Variants in SNRPA1 observed in about 807,000 individuals in gnomAD.
SNRPA1 encodes the protein small nuclear ribonucleoprotein polypeptide A', also known as U2 small nuclear ribonucleoprotein A'.
In SNRPA1, 5 loss-of-function variants were observed where a neutral mutation model predicts 32.3. That is an observed-to-expected ratio of 0.15 (90% CI 0.08 to 0.33). SNRPA1 has a LOEUF of 0.33. Among genes scored for constraint, SNRPA1 ranks in the 10% least tolerant of loss-of-function variants. The pLI, the probability that SNRPA1 is intolerant of heterozygous loss-of-function variation, is 1.00. For missense variants in SNRPA1, 198 were observed against 311.1 expected, an observed-to-expected ratio of 0.64 and a Z score of 2.74; for synonymous variants, 111 against 120.1, an observed-to-expected ratio of 0.92 and a Z score of 0.50.
At chr15:101,292,122 A>G (rs2039532764) in intron 2 of SNRPA1, 82 bp from the exon 3 acceptor site, 1 of 948,028 alleles carries the variant, frequency 1.1e-6, no homozygotes, top group Admixed American at 1.8e-5. Context: ...AGAGGATCAC[A>G]GAGAGACACT....
chr15:101,288,641 AC>A (rs1218292437), intron 3 of SNRPA1, among the ~76,000 whole-genome samples: 2 of 152,194 alleles, frequency 1.3e-5, no homozygotes, highest in African/African-American at 4.8e-5. Flanking sequence ...ACCAGCTACA[AC>A]CAAGCTAGAT....
chr15:101,281,870 T>C, intron 8 of SNRPA1, 88 bp from the exon 9 acceptor site: 8 of 1,217,908 alleles, frequency 6.6e-6, no homozygotes, highest in Non-Finnish European at 9.7e-6. Context: ...GGCCACTGTT[T>C]GTTACACACT....
At chr15:101,287,504 G>A in intron 4 of SNRPA1, 152 bp downstream of exon 4, 2 of 633,896 alleles carry the variant, frequency 3.2e-6, no homozygotes, top group South Asian at 1.7e-5. Flanking sequence ...TCCCTACAGA[G>A]GACATGAACT....
At chr15:101,283,320 G>A (rs8026237) in intron 8 of SNRPA1, among the ~76,000 whole-genome samples, 1,950 of 150,124 alleles carry the variant, frequency 0.013, 55 homozygotes, top group African/African-American at 0.045. Context: ...AGGCCAAGGC[G>A]GGTGGATCAT....
intron 2 of SNRPA1, 41 bp from the exon 3 acceptor site, chr15:101,292,081 T>A (rs1255617239): frequency 1.5e-6 from 2 of 1,370,168 alleles, no homozygotes; most frequent in African/African-American, 2.9e-5. Context: ...GAAAATTAAA[T>A]AAGCTAACAA....
chr15:101,281,847 G>A (rs1205714868), intron 8 of SNRPA1, 65 bp from the exon 9 acceptor site: 12 of 1,487,410 alleles, frequency 8.1e-6, no homozygotes, highest in East Asian at 6.8e-5. Context: ...TAGCATGCAA[G>A]TGTTTGTTCT....
intron 3 of SNRPA1, among the ~76,000 whole-genome samples, chr15:101,289,142 T>C (rs949174773): frequency 6.6e-6 from 1 of 152,182 alleles, no homozygotes; most frequent in African/African-American, 2.4e-5. Context: ...CCACTGAAGA[T>C]GATCCAAAAA....
At chr15:101,286,366 C>T in intron 5 of SNRPA1, 73 bp from the exon 6 acceptor site, 1 of 1,383,488 alleles carries the variant, frequency 7.2e-7, no homozygotes, top group East Asian at 2.3e-5. Flanking sequence ...CCTCAGAAGA[C>T]ATGGAAGCGA....
chr15:101,294,855 T>C, intron 1 of SNRPA1: 1 of 417,364 alleles, frequency 2.4e-6, no homozygotes, highest in Non-Finnish European at 4.3e-6. Flanking sequence ...CACCAGGAAG[T>C]AATGAAGTCA....
chr15:101,283,100 C>A (rs1346398321), intron 8 of SNRPA1, among the ~76,000 whole-genome samples: 2 of 152,166 alleles, frequency 1.3e-5, no homozygotes, highest in Admixed American at 1.3e-4. Context: ...AACTGGTATG[C>A]ACGCTACTGG....
intron 3 of SNRPA1, among the ~76,000 whole-genome samples, chr15:101,291,064 A>AG (rs1389989547): frequency 6.6e-6 from 1 of 151,794 alleles, no homozygotes; most frequent in Non-Finnish European, 1.5e-5. Flanking sequence ...ACTTATAGAG[A>AG]GAGACAAGGT....
chr15:101,285,704 A>C, intron 7 of SNRPA1, 22 bp downstream of exon 7: 2 of 1,569,680 alleles, frequency 1.3e-6, no homozygotes, highest in Non-Finnish European at 8.8e-7. Context: ...ATTCCAGTCC[A>C]AGAATCCTAA....
intron 1 of SNRPA1, 82 bp from the exon 2 acceptor site, chr15:101,293,254 T>C: frequency 1.1e-6 from 1 of 931,274 alleles, no homozygotes; most frequent in Non-Finnish European, 1.6e-6. Context: ...TATTTCATAG[T>C]ATCTGACTCC....
chr15:101,284,880 A>C, intron 8 of SNRPA1, 87 bp downstream of exon 8: 1 of 963,742 alleles, frequency 1.0e-6, no homozygotes. Context: ...CTACTCTGGC[A>C]TTCCAGAGTC....
chr15:101,288,877 A>G (rs1258546968), intron 3 of SNRPA1, among the ~76,000 whole-genome samples: 1 of 152,186 alleles, frequency 6.6e-6, no homozygotes, highest in Non-Finnish European at 1.5e-5. Context: ...CAGGGGCAAG[A>G]GCAATTTGGG....
chr15:101,288,717 A>G (rs2039484532), intron 3 of SNRPA1, among the ~76,000 whole-genome samples: 1 of 152,260 alleles, frequency 6.6e-6, no homozygotes, highest in African/African-American at 2.4e-5. Context: ...TGAGAGCAAC[A>G]AGGCTTGCAG....
chr15:101,285,620 T>C (rs771568237), intron 7 of SNRPA1, 106 bp downstream of exon 7: 3 of 767,576 alleles, frequency 3.9e-6, no homozygotes, highest in Non-Finnish European at 6.8e-6. Flanking sequence ...TGCTAATAAC[T>C]GTGGGAAAAT....
intron 3 of SNRPA1, among the ~76,000 whole-genome samples, chr15:101,291,723 T>C (rs2039528490): frequency 6.6e-6 from 1 of 152,250 alleles, no homozygotes; most frequent in African/African-American, 2.4e-5. Context: ...ATTGATTCAT[T>C]GGACTGCACC....
chr15:101,294,243 A>G (rs1302234300), intron 1 of SNRPA1, among the ~76,000 whole-genome samples: 2 of 152,224 alleles, frequency 1.3e-5, no homozygotes, highest in African/African-American at 4.8e-5. Flanking sequence ...TCTCAACACA[A>G]CACAACACAA....
Sources: allele counts gnomAD v4.1 joint callset (sites outside exome capture counted in the v4.1 genomes callset), GRCh38; gene constraint gnomAD v4.1.1; transcripts MANE v1.5; gene names NCBI Gene and HGNC (gene_info 2026-07-23, HGNC 2026-07-21).